The following HOXA7 variants were observed in gnomAD, a reference collection of about 807,000 sequenced individuals.
HOXA7 encodes homeobox A7.
In HOXA7, 16 loss-of-function variants were observed where a neutral mutation model predicts 16.8. The observed-to-expected ratio is 0.95, with a 90% CI of 0.64 to 1.44. The LOEUF (loss-of-function observed/expected upper bound fraction) is 1.44. Ranked by LOEUF, HOXA7 falls within the 40% of genes most tolerant of loss-of-function variation. The probability of loss-of-function intolerance (pLI) is 0.00; values close to 1 mark genes in which losing one functional copy is unlikely to be tolerated. For missense variants in HOXA7, 379 were observed against 328.6 expected (o/e 1.15, Z -1.19); for synonymous variants, 169 against 144.3 (o/e 1.17, Z -1.23).
rs761645013 is a variant in HOXA7, at chr7:27,156,220, A to G, written c.326T>C (p.Leu109Pro). The change falls in exon 1 of 2, where the codon CTG becomes CCG. Residue 109 changes from leucine (L) to proline (P), a missense_variant. Leu to Pro is a moderately conservative substitution (Grantham distance 98). Coordinates refer to ENST00000242159, the MANE Select transcript of HOXA7 (RefSeq NM_006896.4). ...GACDKTDEGALHGAAEANFRI... is the reference protein window; with the variant it reads ...GACDKTDEGAPHGAAEANFRI... Reference sequence around the variant, plus strand: ...GAAATTGGCCTCAGCCGCGCCATGCAGCGCGCCCTCGTCCGTCTTGTCGCA... The same window carrying G: ...GAAATTGGCCTCAGCCGCGCCATGCGGCGCGCCCTCGTCCGTCTTGTCGCA... The G allele has an allele frequency of 4.4e-6, 7 of 1,600,860 alleles. No homozygotes were observed. In the Admixed American group the frequency reaches 8.8e-5, roughly 20 times the overall value.
intron 1 of HOXA7, 21 bp from the exon 2 acceptor site, chr7:27,155,243 A>C: frequency 1.2e-6 from 2 of 1,610,192 alleles, no homozygotes; most frequent in East Asian, 2.2e-5. Context: ...ACATGCAGAC[A>C]CATGAACACA....
chr7:27,156,502 G>A lies in HOXA7; in HGVS notation c.44C>T (p.Thr15Met). 1.3e-6 allele frequency: 2 copies of A among 1,586,732 alleles called. No individual in the cohort carries two copies. The highest frequency in any genetic ancestry group is 1.1e-5 in the South Asian group (1 of 88,344). Residue 15 changes from threonine to methionine, a missense_variant, in exon 1 of 2, where the codon ACG (threonine) becomes ATG (methionine). By Grantham distance (81) the Thr-to-Met change is moderately conservative. Coordinates refer to ENST00000242159, the MANE Select transcript of HOXA7 (RefSeq NM_006896.4). ...ATTTTGGAACAGAGAAGCCCCCGCCGTATATTTGCTAAAAAGCGCGTTCAC... is the reference window on the plus strand; with the variant it reads ...ATTTTGGAACAGAGAAGCCCCCGCCATATATTTGCTAAAAAGCGCGTTCAC... ...YYVNALFSKY[T>M]AGASLFQNAE...
intron 1 of HOXA7, 22 bp downstream of exon 1, chr7:27,156,145 C>G: frequency 6.8e-7 from 1 of 1,473,940 alleles, no homozygotes; most frequent in Non-Finnish European, 9.0e-7. Context: ...GCCAGCCTGG[C>G]CCGCCTAGCG....
chr7:27,154,283 T>C lies in HOXA7; in HGVS notation c.*626A>G. ...TTGGAATAAATATATTATTTTTCGA[T>C]TTAAATAGATGCCAATACCCTGATC... On this transcript the variant is annotated 3_prime_UTR_variant, in exon 2 of 2. Coordinates refer to ENST00000242159, the MANE Select transcript of HOXA7 (RefSeq NM_006896.4). 6.5e-6 allele frequency: 1 copy of C among 152,788 alleles called. No homozygotes were observed. The highest frequency in any genetic ancestry group is 3.4e-3 in the Middle Eastern group (1 of 294). 9.5% of individuals were successfully genotyped at this position (152,788 alleles called of 1,614,324 possible). A position where few individuals can be genotyped will look rare whatever the true frequency, so the allele number is the denominator to read the frequency against.
intron 1 of HOXA7, 32 bp from the exon 2 acceptor site, chr7:27,155,254 A>G (rs1050044529): frequency 1.9e-6 from 3 of 1,598,422 alleles, no homozygotes; most frequent in East Asian, 2.2e-5. Flanking sequence ...CATGAACACA[A>G]GGACAGACAA....
chr7:27,155,637 G>T, intron 1 of HOXA7: 1 of 208,822 alleles, frequency 4.8e-6, no homozygotes, highest in East Asian at 1.1e-4. Context: ...AGCAGCCTGA[G>T]CCCTCATCCC....
rs781471186 is a variant in HOXA7, at chr7:27,154,946, T to C, written c.656A>G (p.Glu219Gly). The C allele has an allele frequency of 6.2e-7, 1 of 1,612,592 alleles. No homozygotes were observed. The highest frequency in any genetic ancestry group is 2.2e-5 in the East Asian group (1 of 44,840). Residue 219 changes from glutamate (E) to glycine (G), a missense_variant, in exon 2 of 2, where the codon GAG becomes GGG. Glu to Gly is a moderately conservative substitution (Grantham distance 98). Coordinates refer to ENST00000242159, the MANE Select transcript of HOXA7 (RefSeq NM_006896.4). Reference sequence around the variant, plus strand: ...GTCTTCCTCTTCTTCATCATCGTCCTCCTCGTCGGCCTTGTCCGCGGCAGC... The same window carrying C: ...GTCTTCCTCTTCTTCATCATCGTCCCCCTCGTCGGCCTTGTCCGCGGCAGC... ...ATAAADKADE[E>G]DDDEEEEDEE...
In HOXA7 at chr7:27,156,403, G is replaced by C. The variant is rs756474411; in HGVS notation, c.143C>G (p.Ala48Gly). 6.2e-7 allele frequency: 1 copy of C among 1,613,800 alleles called. No homozygotes were observed. The highest frequency in any genetic ancestry group is 1.1e-5 in the South Asian group (1 of 91,088). The part of the protein sequence containing the change: ...SGYGAGAGAF[A>G]STVPGLYNVN... The stretch of plus-strand genomic sequence containing the variant: ...ATTGTATAAGCCCGGAACGGTCGAG[G>C]CGAAGGCGCCGGCGCCCGCCCCGTA... Residue 48 changes from alanine to glycine, a missense_variant, in exon 1 of 2, where the codon GCC becomes GGC. By Grantham distance (60) the Ala-to-Gly change is moderately conservative. Transcript: ENST00000242159.
At chr7:27,156,036 G>C in intron 1 of HOXA7, 131 bp downstream of exon 1, 4 of 1,107,834 alleles carry the variant, frequency 3.6e-6, no homozygotes, top group Non-Finnish European at 3.5e-6. Context: ...CGGGAGTCAC[G>C]GGGCTACCGG....
At position 27,156,577 on chromosome 7, in the gene HOXA7, T is replaced by G. The variant is rs1266312234; in HGVS notation, c.-32A>C. The G allele has an allele frequency of 6.5e-7, 1 of 1,541,884 alleles. No individual in the cohort carries two copies. The highest frequency in any genetic ancestry group is 8.8e-7 in the Non-Finnish European group (1 of 1,142,086). ...GACCTGTGATTTGTTGTCCGGCAGC[T>G]TTCAGTGTCGGTTTTACGAGGTAGA... On this transcript the variant is annotated 5_prime_UTR_variant, in exon 1 of 2. Transcript: ENST00000242159.
At position 27,154,563 on chromosome 7, in the gene HOXA7, T is replaced by C; in HGVS notation, c.*346A>G. On this transcript the variant is annotated 3_prime_UTR_variant, in exon 2 of 2. Coordinates refer to ENST00000242159, the MANE Select transcript of HOXA7 (RefSeq NM_006896.4). Reference sequence around the variant, plus strand: ...TGGAGGCCCTCTGGGGCTGGATACATAGGTAGTTTGGGGGTGCCTCGAGCA... The same window carrying C: ...TGGAGGCCCTCTGGGGCTGGATACACAGGTAGTTTGGGGGTGCCTCGAGCA... The C allele has an allele frequency of 8.2e-6, 2 of 244,678 alleles. No homozygotes were observed. The highest frequency in any genetic ancestry group is 5.0e-5 in the Admixed American group (1 of 20,188). 15.2% of individuals were successfully genotyped at this position (244,678 alleles called of 1,614,324 possible). A position where few individuals can be genotyped will look rare whatever the true frequency, so the allele number is the denominator to read the frequency against.
chr7:27,155,366 TA>T, intron 1 of HOXA7, 144 bp from the exon 2 acceptor site: 1 of 750,504 alleles, frequency 1.3e-6, no homozygotes, highest in Middle Eastern at 2.4e-4. Context: ...CGAACTGAGC[TA>T]GGGGAGGAGG....
chr7:27,155,317 GC>G, intron 1 of HOXA7, 95 bp from the exon 2 acceptor site: 5 of 1,160,086 alleles, frequency 4.3e-6, no homozygotes, highest in South Asian at 2.7e-5. Flanking sequence ...CTTCCTCCTG[GC>G]CTAGTCCCCA....
intron 1 of HOXA7, 58 bp downstream of exon 1, chr7:27,156,109 G>GCACTCCC (rs930473785): frequency 1.4e-6 from 2 of 1,414,436 alleles, no homozygotes; most frequent in African/African-American, 3.0e-5. Context: ...CCCCAGCGCT[G>GCACTCCC]CGCTCCCCGC....
Position 27,154,907 on chromosome 7 carries a change from C to A in HOXA7, c.*2G>T. On this transcript the variant is annotated 3_prime_UTR_variant, in exon 2 of 2. Coordinates refer to ENST00000242159, the MANE Select transcript of HOXA7 (RefSeq NM_006896.4). ...GTGCAGAGAGGGCCCCGGATCGGCC[C>A]CTCATTCCTCCTCGTCTTCCTCTTC... 6.2e-7 allele frequency: 1 copy of A among 1,606,834 alleles called. No individual in the cohort carries two copies. The highest frequency in any genetic ancestry group is 1.7e-4 in the Middle Eastern group (1 of 6,032).
chr7:27,156,146 C>T (rs1783102300), intron 1 of HOXA7, 21 bp downstream of exon 1: 1 of 1,475,760 alleles, frequency 6.8e-7, no homozygotes, highest in Non-Finnish European at 9.0e-7. Flanking sequence ...CCAGCCTGGC[C>T]CGCCTAGCGA....
At chr7:27,155,987 A>G in intron 1 of HOXA7, 180 bp downstream of exon 1, 3 of 676,378 alleles carry the variant, frequency 4.4e-6, no homozygotes, top group Non-Finnish European at 6.6e-6. Flanking sequence ...GCTCCACGCA[A>G]TGGCGCCTCC....
Position 27,156,574 on chromosome 7 carries a change from A to G in HOXA7, c.-29T>C. Reference sequence around the variant, plus strand: ...TTTGACCTGTGATTTGTTGTCCGGCAGCTTTCAGTGTCGGTTTTACGAGGT... The same window carrying G: ...TTTGACCTGTGATTTGTTGTCCGGCGGCTTTCAGTGTCGGTTTTACGAGGT... On this transcript the variant is annotated 5_prime_UTR_variant, in exon 1 of 2. Transcript: ENST00000242159. The G allele has an allele frequency of 6.5e-7, 1 of 1,544,124 alleles. No homozygotes were observed. The highest frequency in any genetic ancestry group is 8.7e-7 in the Non-Finnish European group (1 of 1,142,902).
In HOXA7 at chr7:27,154,519, C is replaced by T. The variant is rs1188902855; in HGVS notation, c.*390G>A. On this transcript the variant is annotated 3_prime_UTR_variant, in exon 2 of 2. Transcript: ENST00000242159. Reference sequence around the variant, plus strand: ...CTGGGTGTCTGCCAGTGTTGGGATACATAGGGACTTCCTGGGAATGGAGGC... The same window carrying T: ...CTGGGTGTCTGCCAGTGTTGGGATATATAGGGACTTCCTGGGAATGGAGGC... 1 of 193,320 alleles carries T rather than the reference C, an allele frequency of 5.2e-6. No individual in the cohort carries two copies. The highest frequency in any genetic ancestry group is 1.1e-5 in the Non-Finnish European group (1 of 93,072). 12.0% of individuals were successfully genotyped at this position (193,320 alleles called of 1,614,324 possible).
Sources: allele counts gnomAD v4.1 joint callset, GRCh38; gene constraint gnomAD v4.1.1; transcripts MANE v1.5; gene names NCBI Gene and HGNC (gene_info 2026-07-23, HGNC 2026-07-21).